ACSF3: variants seen among roughly 807,000 people sequenced by gnomAD.
ACSF3 encodes the protein acyl-CoA synthetase family member 3.
Under a neutral mutation model 53.2 loss-of-function variants are expected in ACSF3, and 78 were observed. The ratio of observed to expected loss-of-function variants is 1.47; its 90% CI spans 1.22 to 1.77. The LOEUF is 1.77. Among genes scored for constraint, ACSF3 ranks in the 40% most tolerant of loss-of-function variants. The pLI is 0.00. For missense variants in ACSF3, 937 were observed against 771.1 expected, an observed-to-expected ratio of 1.22 and a Z score of -2.55; for synonymous variants, 414 against 333.1, an observed-to-expected ratio of 1.24 and a Z score of -2.65.
chr16:89,098,484 G>C, intron 1 of ACSF3, 107 bp from the exon 2 acceptor site: 1 of 365,010 alleles, frequency 2.7e-6, no homozygotes, highest in South Asian at 2.0e-5. Context: ...GTTGTCTTTA[G>C]CTTGTAAATG....
At chr16:89,140,001 G>A (rs1389041622) in intron 8 of ACSF3, among the ~76,000 whole-genome samples, 2 of 152,202 alleles carry the variant, frequency 1.3e-5, no homozygotes, top group South Asian at 2.1e-4. Context: ...GCTGCCGGGT[G>A]AGCGCTGAGC....
intron 6 of ACSF3, among the ~76,000 whole-genome samples, chr16:89,117,307 A>G (rs1905291167): frequency 6.6e-6 from 1 of 152,348 alleles, no homozygotes; most frequent in Middle Eastern, 3.4e-3. Context: ...ACAAGAACCC[A>G]TGAGCCTGCC....
In ACSF3 at chr16:89,101,037, G is replaced by A. The variant is rs754782061; in HGVS notation, c.356G>A (p.Gly119Asp). ...VVAQWASWMS[G>D]GVAVPLYRKH... ...GCCCAGTGGGCGTCATGGATGAGTG[G>A]CGGTGTGGCAGTCCCCCTCTACAGG... Residue 119 changes from glycine (G) to aspartate (D), a missense_variant, in exon 3 of 11, where the codon GGC becomes GAC. By Grantham distance (94) the Gly-to-Asp change is moderately conservative. Transcript: ENST00000614302. 1.7e-5 allele frequency: 28 copies of A among 1,613,978 alleles called. No homozygotes were observed. The East Asian group carries it at 5.8e-4, about 33-fold the overall frequency.
intron 3 of ACSF3, among the ~76,000 whole-genome samples, chr16:89,101,657 C>T (rs984738430): frequency 1.3e-4 from 20 of 152,182 alleles, no homozygotes; most frequent in African/African-American, 3.6e-4. Flanking sequence ...AGGGGCTTTT[C>T]GGAGGCCAGC....
At chr16:89,136,584 C>A in intron 8 of ACSF3, 4 of 1,281,348 alleles carry the variant, frequency 3.1e-6, no homozygotes, top group Non-Finnish European at 4.1e-6. Context: ...CATAAGCCGG[C>A]GGGCACAGGG....
chr16:89,132,317 T>C (rs1454451184), intron 7 of ACSF3, among the ~76,000 whole-genome samples: 1 of 152,174 alleles, frequency 6.6e-6, no homozygotes, highest in African/African-American at 2.4e-5. Context: ...CAGCTGCTCA[T>C]CTGAAGCCCC....
At position 89,100,969 on chromosome 16, in the gene ACSF3, G is replaced by A. The variant is rs1975234058; in HGVS notation, c.288G>A (p.Glu96=). ...GTGTCGGCGGGGACCTCCGGGAGGA[G>A]AGGGTCTCCTTCCTATGCGCTAACG... ...CGCVGGDLRE[E]RVSFLCANDA... The change falls in exon 3 of 11, where the codon GAG becomes GAA. Residue 96 remains glutamate, a synonymous_variant. Coordinates refer to ENST00000614302, the MANE Select transcript of ACSF3 (RefSeq NM_001243279.3). 1.2e-6 allele frequency: 2 copies of A among 1,613,492 alleles called. No individual in the cohort carries two copies. Among genetic ancestry groups the A allele is most frequent in the Admixed American group, 3.3e-5 (2 of 60,012 alleles).
rs779775679 is a variant in ACSF3 at position 89,100,796 on chromosome 16, C to A, written c.115C>A (p.Arg39Ser). The stretch of plus-strand genomic sequence containing the variant: ...TCTTCTGCACACAGCCCCAGTGGCC[C>A]GCTCGGACAGGAGCGCCCCGGTGTT... The part of the protein sequence containing the change: ...SGLLHTAPVA[R>S]SDRSAPVFTR... The change falls in exon 3 of 11, where the codon CGC becomes AGC. Residue 39 changes from arginine (R) to serine (S), a missense_variant. Transcript: ENST00000614302. 1.2e-6 allele frequency: 2 copies of A among 1,612,262 alleles called. No homozygotes were observed. Among genetic ancestry groups the A allele is most frequent in the Non-Finnish European group, 8.5e-7 (1 of 1,180,014 alleles).
Position 89,100,955 on chromosome 16 carries a change from G to C in ACSF3, c.274G>C (p.Asp92His). Reference protein sequence around the residue: ...ICRLCGCVGGDLREERVSFLC... With the variant: ...ICRLCGCVGGHLREERVSFLC... ...CAGGCTCTGCGGGTGTGTCGGCGGG[G>C]ACCTCCGGGAGGAGAGGGTCTCCTT... The change falls in exon 3 of 11, where the codon GAC becomes CAC. Residue 92 changes from aspartate to histidine, a missense_variant. By Grantham distance (81) the Asp-to-His change is moderately conservative. Transcript: ENST00000614302. 2 of 1,613,664 alleles carry C rather than the reference G, an allele frequency of 1.2e-6. No homozygotes were observed. The highest frequency in any genetic ancestry group is 2.2e-5 in the East Asian group (1 of 44,886).
chr16:89,154,072 C>T lies in ACSF3; in HGVS notation c.1614-18C>T. ...CACTGTCAGGGCAGTGCGCCTCAGGCTGTGCTTGTCTCTGCAGAAATGTCC... is the reference window on the plus strand; with the variant it reads ...CACTGTCAGGGCAGTGCGCCTCAGGTTGTGCTTGTCTCTGCAGAAATGTCC... On this transcript the variant is annotated intron_variant, in intron 10 of 10. Coordinates refer to ENST00000614302, the MANE Select transcript of ACSF3 (RefSeq NM_001243279.3). 1 of 1,610,308 alleles carries T rather than the reference C, an allele frequency of 6.2e-7. No homozygotes were observed. The highest frequency in any genetic ancestry group is 8.5e-7 in the Non-Finnish European group (1 of 1,178,372).
intron 1 of ACSF3, among the ~76,000 whole-genome samples, chr16:89,094,580 T>G (rs1974391927): frequency 6.6e-6 from 1 of 152,188 alleles, no homozygotes; most frequent in Non-Finnish European, 1.5e-5. Flanking sequence ...GGAGTTGATG[T>G]TGCTGTCCTG....
chr16:89,102,904 T>A, intron 4 of ACSF3, 145 bp downstream of exon 4: 3 of 1,138,742 alleles, frequency 2.6e-6, no homozygotes, highest in Non-Finnish European at 3.8e-6. Flanking sequence ...AGACTAGGCA[T>A]CTTTTCCTGG....
chr16:89,110,955 C>A (rs1050284493), intron 4 of ACSF3, among the ~76,000 whole-genome samples: 20 of 152,160 alleles, frequency 1.3e-4, no homozygotes, highest in Non-Finnish European at 2.5e-4. Flanking sequence ...TGACTTTTTT[C>A]CTCTTTTCTG....
rs1252175540 is a variant in ACSF3, at chr16:89,100,982, C to A, written c.301C>A (p.Leu101Ile). The A allele has an allele frequency of 6.2e-7, 1 of 1,613,642 alleles. No homozygotes were observed. The change falls in exon 3 of 11, where the codon CTA becomes ATA. Residue 101 changes from leucine (L) to isoleucine (I), a missense_variant. Leu to Ile is a conservative substitution (Grantham distance 5). Coordinates refer to ENST00000614302, the MANE Select transcript of ACSF3 (RefSeq NM_001243279.3). The part of the protein sequence containing the change: ...GDLREERVSF[L>I]CANDASYVVA... ...CCTCCGGGAGGAGAGGGTCTCCTTC[C>A]TATGCGCTAACGATGCCTCCTACGT...
At chr16:89,117,759 G>A (rs1045920981) in intron 6 of ACSF3, among the ~76,000 whole-genome samples, 21 of 152,128 alleles carry the variant, frequency 1.4e-4, no homozygotes, top group Non-Finnish European at 2.4e-4. Context: ...ACTCCTAGGC[G>A]AACAGGAAGG....
chr16:89,124,337 C>G (rs1481359293), intron 7 of ACSF3, among the ~76,000 whole-genome samples: 2 of 152,094 alleles, frequency 1.3e-5, no homozygotes, highest in East Asian at 1.9e-4. Flanking sequence ...CGTTTGCACA[C>G]TACATGTATG....
intron 10 of ACSF3, chr16:89,150,987 C>G (rs1411936431): frequency 7.0e-6 from 9 of 1,283,932 alleles, no homozygotes; most frequent in Non-Finnish European, 8.1e-6. Flanking sequence ...GGAGGAAATT[C>G]ACAGTCAAAT....
At chr16:89,095,503 C>T (rs377450708) in intron 1 of ACSF3, among the ~76,000 whole-genome samples, 2 of 151,670 alleles carry the variant, frequency 1.3e-5, no homozygotes, top group Admixed American at 1.3e-4. Context: ...GAAACGCATC[C>T]TGCCCCGCAG....
intron 10 of ACSF3, chr16:89,149,642 G>C (rs1913740973): frequency 6.6e-6 from 1 of 152,252 alleles, no homozygotes; most frequent in Non-Finnish European, 1.5e-5. Context: ...GAATTTTATT[G>C]AGCAATGAAA....
Sources: allele counts gnomAD v4.1 joint callset (sites outside exome capture counted in the v4.1 genomes callset), GRCh38; gene constraint gnomAD v4.1.1; transcripts MANE v1.5; gene names NCBI Gene and HGNC (gene_info 2026-07-23, HGNC 2026-07-21).